Variants in CALD1 observed in about 807,000 individuals in gnomAD.
CALD1 encodes the protein caldesmon.
In CALD1, 33 loss-of-function variants were observed where a neutral mutation model predicts 99.9. The ratio of observed to expected loss-of-function variants is 0.33; its 90% CI spans 0.25 to 0.44. CALD1 has a LOEUF of 0.44. Among genes scored for constraint, CALD1 ranks in the 20% least tolerant of loss-of-function variants. The pLI, the probability that CALD1 is intolerant of heterozygous loss-of-function variation, is 1.00. For missense variants in CALD1, 861 were observed against 962.1 expected (o/e 0.89, Z 1.39); for synonymous variants, 310 against 325.0 (o/e 0.95, Z 0.50).
chr7:134,820,166 C>T (rs943222030), intron 1 of CALD1, among the ~76,000 whole-genome samples: 3 of 152,142 alleles, frequency 2.0e-5, no homozygotes, highest in African/African-American at 7.2e-5. Context: ...GACATATTCT[C>T]AGTGTAATTT....
chr7:134,852,121 C>T (rs1337083039), intron 2 of CALD1, among the ~76,000 whole-genome samples: 1 of 152,042 alleles, frequency 6.6e-6, no homozygotes, highest in African/African-American at 2.4e-5. Flanking sequence ...ACAGCAAGGC[C>T]ATATAGTATT....
the CALD1 span, among the ~76,000 whole-genome samples, chr7:134,722,706 C>A: frequency 2.0e-5 from 3 of 152,138 alleles, no homozygotes; most frequent in Non-Finnish European, 4.4e-5. Context: ...AGGTGTGAAC[C>A]ACCGTGCCTG....
At chr7:134,828,512 G>A (rs1356361931) in intron 1 of CALD1, among the ~76,000 whole-genome samples, 3 of 152,162 alleles carry the variant, frequency 2.0e-5, no homozygotes, top group Admixed American at 6.5e-5. Context: ...TGCATCATCT[G>A]TTCCATAATT....
rs117300003 is a variant in CALD1, at chr7:134,924,839, C to T, written c.72-3915C>T. On this transcript the variant is annotated intron_variant, in intron 3 of 14. Coordinates refer to ENST00000361675, the MANE Select transcript of CALD1 (RefSeq NM_033138.4). ...ACTGAATCATGGGTGCAGTTTCCCC[C>T]GTGCTATTCTCATGACAGTGAGTTC... is the stretch of plus-strand genomic sequence containing the variant. 2.2e-3 allele frequency among the ~76,000 whole-genome samples: 333 copies of T among 152,198 alleles called. 8 individuals carry two copies. In the East Asian group the frequency reaches 0.06, roughly 27 times the overall value.
At chr7:134,929,336 A>G (rs1463536253) in intron 4 of CALD1, among the ~76,000 whole-genome samples, 2 of 151,162 alleles carry the variant, frequency 1.3e-5, no homozygotes, top group Non-Finnish European at 2.9e-5. Flanking sequence ...ATTTTGGTGC[A>G]CTCGTCACCC....
intron 9 of CALD1, among the ~76,000 whole-genome samples, chr7:134,956,590 A>C (rs529778612): frequency 6.6e-6 from 1 of 152,198 alleles, no homozygotes; most frequent in South Asian, 2.1e-4. Flanking sequence ...ACCTAATCTT[A>C]GACTTCCCAG....
chr7:134,957,339 A>G (rs1462044630), intron 9 of CALD1, among the ~76,000 whole-genome samples: 2 of 152,218 alleles, frequency 1.3e-5, no homozygotes, highest in African/African-American at 2.4e-5. Flanking sequence ...TTACTCGAAT[A>G]GCATGGTATG....
At chr7:134,825,840 T>C (rs1798967012) in intron 1 of CALD1, among the ~76,000 whole-genome samples, 1 of 152,104 alleles carries the variant, frequency 6.6e-6, no homozygotes, top group Non-Finnish European at 1.5e-5. Context: ...TAGATCCCTG[T>C]ACAGACTGAC....
intron 1 of CALD1, among the ~76,000 whole-genome samples, chr7:134,806,705 A>G (rs999187185): frequency 6.6e-6 from 1 of 152,218 alleles, no homozygotes; most frequent in African/African-American, 2.4e-5. Flanking sequence ...AGTAAATTAT[A>G]GTGCCTCGGT....
upstream of CALD1, among the ~76,000 whole-genome samples, chr7:134,777,615 G>T (rs1796931291): frequency 6.6e-6 from 1 of 152,164 alleles, no homozygotes; most frequent in Non-Finnish European, 1.5e-5. Context: ...GGAGAGTGTG[G>T]TTTAGGATAT....
intron 3 of CALD1, among the ~76,000 whole-genome samples, chr7:134,875,970 A>C (rs1022255548): frequency 6.6e-6 from 1 of 152,236 alleles, no homozygotes; most frequent in Non-Finnish European, 1.5e-5. Context: ...AAGACTGTAC[A>C]TCATTAGGAC....
chr7:134,907,980 G>T (rs1199289097), intron 3 of CALD1, among the ~76,000 whole-genome samples: 2 of 149,336 alleles, frequency 1.3e-5, no homozygotes, highest in African/African-American at 4.8e-5. Context: ...TCCAGACCTA[G>T]GTTTTTTCTC....
chr7:134,828,678 A>C (rs1799103036), intron 1 of CALD1, among the ~76,000 whole-genome samples: 1 of 152,196 alleles, frequency 6.6e-6, no homozygotes, highest in African/African-American at 2.4e-5. Flanking sequence ...GATTCTTAGG[A>C]AAATCCAATG....
At chr7:134,831,918 A>G (rs568123907) in intron 1 of CALD1, among the ~76,000 whole-genome samples, 2 of 152,332 alleles carry the variant, frequency 1.3e-5, no homozygotes, top group East Asian at 3.9e-4. Flanking sequence ...GCTTTAGAAC[A>G]GGAAAGAAAG....
intron 3 of CALD1, among the ~76,000 whole-genome samples, chr7:134,870,388 G>C (rs1442014008): frequency 1.1e-4 from 16 of 152,196 alleles, no homozygotes; most frequent in Admixed American, 1.0e-3. Context: ...GCTGTGGTTA[G>C]AGCCATACTG....
At chr7:134,932,382 G>A (rs1805588579) in intron 4 of CALD1, among the ~76,000 whole-genome samples, 2 of 152,204 alleles carry the variant, frequency 1.3e-5, no homozygotes, top group African/African-American at 4.8e-5. Context: ...ATGACTTGAT[G>A]ACATGGGAGA....
chr7:134,838,764 GTCTT>G (rs1293194496), intron 1 of CALD1, among the ~76,000 whole-genome samples: 1 of 152,064 alleles, frequency 6.6e-6, no homozygotes, highest in Admixed American at 6.6e-5. Context: ...CTCACTGTTT[GTCTT>G]TCTTTTTATT....
At chr7:134,934,118 C>T in intron 5 of CALD1, 41 bp downstream of exon 5, 1 of 1,571,784 alleles carries the variant, frequency 6.4e-7, no homozygotes, top group Non-Finnish European at 8.6e-7. Flanking sequence ...ATGCCTGTGA[C>T]TTGTGAGAAA....
intron 1 of CALD1, among the ~76,000 whole-genome samples, chr7:134,819,006 A>G (rs1385110323): frequency 3.9e-5 from 6 of 152,228 alleles, no homozygotes; most frequent in Non-Finnish European, 7.4e-5. Flanking sequence ...CAAATTGGCC[A>G]CGCTAAACCA....
Sources: allele counts gnomAD v4.1 joint callset (sites outside exome capture counted in the v4.1 genomes callset), GRCh38; gene constraint gnomAD v4.1.1; transcripts MANE v1.5; gene names NCBI Gene and HGNC (gene_info 2026-07-23, HGNC 2026-07-21).